The following PPIL3 variants were observed in gnomAD, a reference collection of about 807,000 sequenced individuals.
The protein encoded by PPIL3 is peptidylprolyl isomerase like 3, also known as peptidyl-prolyl cis-trans isomerase-like 3.
In PPIL3, 13 loss-of-function variants were observed where a neutral mutation model predicts 20.9. That is an observed-to-expected ratio of 0.62 (90% CI 0.40 to 0.99). The LOEUF is 0.99. PPIL3 is among the 50% of genes least tolerant of loss of function. The pLI is 0.00. For synonymous variants in PPIL3, 71 were observed against 64.4 expected (o/e 1.10, Z -0.49); for missense variants, 170 against 195.2 (o/e 0.87, Z 0.77).
In PPIL3 at chr2:200,885,691, T is replaced by C; in HGVS notation, c.78+7A>G. 1.3e-6 allele frequency: 2 copies of C among 1,509,686 alleles called. No homozygotes were observed. Among genetic ancestry groups the C allele is most frequent in the Non-Finnish European group, 1.8e-6 (2 of 1,088,040 alleles). The allele number at this position is 1,509,686 out of a possible 1,614,324, so 93.5% of individuals were successfully genotyped here. On this transcript the variant is annotated splice_region_variant and intron_variant, in intron 3 of 6. Coordinates refer to ENST00000392283, the MANE Select transcript of PPIL3 (RefSeq NM_130906.3). ...CTGATGTTGAATATGTAAATAATAG[T>C]ACTTACCTCACATGTTTTGGGTGTC... is the stretch of plus-strand genomic sequence containing the variant.
rs943764697 is a variant in PPIL3 at position 200,877,026 on chromosome 2, T to C, written c.252A>G (p.Arg84=). 3.1e-6 allele frequency: 5 copies of C among 1,601,678 alleles called. No homozygotes were observed. In the Admixed American group the frequency reaches 8.3e-5, roughly 27 times the overall value. The change falls in exon 6 of 7, where the codon AGA becomes AGG. Residue 84 remains arginine (R), a synonymous_variant. Coordinates refer to ENST00000392283, the MANE Select transcript of PPIL3 (RefSeq NM_130906.3). ...CATTATTAGCCATAGATACAACACC[T>C]CTAACATTGTGCTGAAAAAGACACA... The part of the protein sequence containing the change: ...EYSEYLKHNV[R]GVVSMANNGP...
Position 200,873,012 on chromosome 2 carries a change from T to C in PPIL3, c.360-1491A>G, listed in dbSNP as rs1305631903. 2.0e-5 allele frequency among the ~76,000 whole-genome samples: 3 copies of C among 151,610 alleles called. No individual in the cohort carries two copies. The East Asian group carries it at 5.8e-4, about 29-fold the overall frequency. ...TCAGCCTCCCAAGTAGCTGGGATTATAGGAGCCTACCACCACGCCTGGCTA... is the reference window on the plus strand; with the variant it reads ...TCAGCCTCCCAAGTAGCTGGGATTACAGGAGCCTACCACCACGCCTGGCTA... On this transcript the variant is annotated intron_variant, in intron 6 of 6. Transcript: ENST00000392283.
intron 5 of PPIL3, among the ~76,000 whole-genome samples, chr2:200,878,449 G>A (rs1341676656): frequency 1.3e-5 from 2 of 150,058 alleles, no homozygotes; most frequent in Admixed American, 6.7e-5. Flanking sequence ...GAGTGCAGTG[G>A]TGCAATCATA....
intron 4 of PPIL3, 80 bp from the exon 5 acceptor site, chr2:200,881,568 C>A: frequency 8.2e-7 from 1 of 1,223,138 alleles, no homozygotes; most frequent in Admixed American, 1.9e-5. Context: ...TTAAGGAATA[C>A]TTTATAGTTT....
chr2:200,871,937 T>C (rs1265340541), intron 6 of PPIL3, among the ~76,000 whole-genome samples: 1 of 152,202 alleles, frequency 6.6e-6, no homozygotes, highest in Non-Finnish European at 1.5e-5. Context: ...GATTATTTTT[T>C]CAAAATTTTA....
rs1254985599 is a variant in PPIL3, at chr2:200,882,291, C to T, written c.172+51G>A. On this transcript the variant is annotated intron_variant, in intron 4 of 6. Coordinates refer to ENST00000392283, the MANE Select transcript of PPIL3 (RefSeq NM_130906.3). ...TTAATTCCTCTTCTTTTACCCACTT[C>T]TTCATACTATACATTCAGTTCCTTA... is the stretch of plus-strand genomic sequence containing the variant. The T allele has an allele frequency of 2.5e-6, 3 of 1,201,734 alleles. No homozygotes were observed. The African/African-American group carries it at 4.6e-5, about 18-fold the overall frequency. The allele number at this position is 1,201,734 out of a possible 1,614,324, so 74.4% of individuals were successfully genotyped here.
In PPIL3 at chr2:200,881,445, C is replaced by T. The variant is rs779117325; in HGVS notation, c.216G>A (p.Glu72=). Residue 72 remains glutamate (E), a synonymous_variant, in exon 5 of 7, where the codon GAG becomes GAA. Transcript: ENST00000392283. ...CCTTAAGATATTCACTGTATTCATC[C>T]TCAAACTTCTTGCCCCAAATACTGT... ...GGNSIWGKKF[E]DEYSEYLKHN... is the part of the protein sequence containing the mutation. 6 of 1,613,234 alleles carry T rather than the reference C, an allele frequency of 3.7e-6. No homozygotes were observed. Among genetic ancestry groups the T allele is most frequent in the Admixed American group, 1.7e-5 (1 of 59,928 alleles).
chr2:200,872,274 A>G (rs1158448831), intron 6 of PPIL3, among the ~76,000 whole-genome samples: 2 of 152,108 alleles, frequency 1.3e-5, no homozygotes, highest in Non-Finnish European at 2.9e-5. Flanking sequence ...CAAATGGAGG[A>G]GATGCATAGG....
In PPIL3 at chr2:200,881,493, A is replaced by G. The variant is rs2039722862; in HGVS notation, c.173-5T>C. Reference sequence around the variant, plus strand: ...TGTTGCCTCCTCTTCCAGTTCCTACATTACAAGTGAAGCAAATCAAAAGAA... The same window carrying G: ...TGTTGCCTCCTCTTCCAGTTCCTACGTTACAAGTGAAGCAAATCAAAAGAA... On this transcript the variant is annotated splice_polypyrimidine_tract_variant and splice_region_variant and intron_variant, in intron 4 of 6. Coordinates refer to ENST00000392283, the MANE Select transcript of PPIL3 (RefSeq NM_130906.3). The G allele has an allele frequency of 1.9e-6, 3 of 1,610,102 alleles. No individual in the cohort carries two copies. The East Asian group carries it at 6.7e-5, about 36-fold the overall frequency.
chr2:200,879,264 A>G (rs1377983937), intron 5 of PPIL3, among the ~76,000 whole-genome samples: 7 of 151,882 alleles, frequency 4.6e-5, no homozygotes, highest in Non-Finnish European at 8.8e-5. Flanking sequence ...GACTACAGGC[A>G]CCCACCACCA....
At position 200,886,107 on chromosome 2, in the gene PPIL3, T is replaced by C. The variant is rs531476764; in HGVS notation, c.4-335A>G. 2.0e-5 allele frequency among the ~76,000 whole-genome samples: 3 copies of C among 152,362 alleles called. No individual in the cohort carries two copies. The South Asian group carries it at 6.2e-4, about 32-fold the overall frequency. On this transcript the variant is annotated intron_variant, in intron 2 of 6. Coordinates refer to ENST00000392283, the MANE Select transcript of PPIL3 (RefSeq NM_130906.3). ...AAATAAAAACAATTGTTATGTATTA[T>C]TGATGTACATGGCAATTCACCAACA...
At chr2:200,877,914 A>G (rs1353737477) in intron 5 of PPIL3, among the ~76,000 whole-genome samples, 1 of 152,224 alleles carries the variant, frequency 6.6e-6, no homozygotes, top group Non-Finnish European at 1.5e-5. Flanking sequence ...GAGACAGTGT[A>G]TAGAAATTAA....
intron 2 of PPIL3, 31 bp from the exon 3 acceptor site, chr2:200,885,803 G>C: frequency 1.5e-6 from 2 of 1,369,448 alleles, no homozygotes; most frequent in Non-Finnish European, 2.1e-6. Context: ...GAGAACAAAT[G>C]AAATTTATTT....
chr2:200,882,576 T>A, intron 3 of PPIL3, 141 bp from the exon 4 acceptor site: 1 of 663,054 alleles, frequency 1.5e-6, no homozygotes, highest in South Asian at 1.6e-5. Context: ...TTTCCCTGCC[T>A]ACAACACTTC....
chr2:200,888,457 CTAATA>C (rs1429298639), intron 1 of PPIL3: 1 of 155,688 alleles, frequency 6.4e-6, no homozygotes, highest in Non-Finnish European at 1.4e-5. Context: ...AGCACTTATA[CTAATA>C]TACTATGAAC....
chr2:200,888,294 C>T (rs767199659), intron 1 of PPIL3: 5 of 152,104 alleles, frequency 3.3e-5, no homozygotes, highest in Non-Finnish European at 5.9e-5. Flanking sequence ...ATTTCCTCAC[C>T]TCCAAATTTC....
At chr2:200,884,214 T>A (rs1259660519) in intron 3 of PPIL3, among the ~76,000 whole-genome samples, 2 of 151,838 alleles carry the variant, frequency 1.3e-5, no homozygotes, top group Admixed American at 6.6e-5. Flanking sequence ...ACCAGCCTGA[T>A]CAACATGGTG....
At chr2:200,875,239 T>A (rs1261458188) in intron 6 of PPIL3, among the ~76,000 whole-genome samples, 1 of 151,878 alleles carries the variant, frequency 6.6e-6, no homozygotes, top group South Asian at 2.1e-4. Flanking sequence ...AGGTAAGGAG[T>A]GGTCACATTA....
rs2039291697 is a variant in PPIL3, at chr2:200,871,161, T to C, written c.*234A>G. The C allele has an allele frequency of 2.9e-6, 1 of 339,732 alleles. No individual in the cohort carries two copies. The highest frequency in any genetic ancestry group is 2.1e-5 in the African/African-American group (1 of 47,164). 21.0% of individuals were successfully genotyped at this position (339,732 alleles called of 1,614,324 possible). ...TTCATATGTAACAAAAATTAAATGA[T>C]GTATTTTTTGTATTAAAATTAAAGA... On this transcript the variant is annotated 3_prime_UTR_variant, in exon 7 of 7. Transcript: ENST00000392283.
Sources: allele counts gnomAD v4.1 joint callset (sites outside exome capture counted in the v4.1 genomes callset), GRCh38; gene constraint gnomAD v4.1.1; transcripts MANE v1.5; gene names NCBI Gene and HGNC (gene_info 2026-07-23, HGNC 2026-07-21).